Variants in MAPRE3 observed in about 807,000 individuals in gnomAD.
MAPRE3 encodes the protein microtubule associated protein RP/EB family member 3.
In MAPRE3, 2 loss-of-function variants were observed where a neutral mutation model predicts 30.5. The ratio of observed to expected loss-of-function variants is 0.07; its 90% confidence interval spans 0.03 to 0.21. The LOEUF (loss-of-function observed/expected upper bound fraction) is 0.21, where lower values mean the gene tolerates loss of function less well. Ranked by LOEUF, MAPRE3 falls within the 10% of genes least tolerant of loss-of-function variation. The pLI is 1.00. For synonymous variants in MAPRE3, 110 were observed against 127.7 expected, an observed-to-expected ratio of 0.86 and a Z score of 0.93; for missense variants, 204 against 351.8, an observed-to-expected ratio of 0.58 and a Z score of 3.36.
chr2:26,996,238 G>T (rs1490166257), intron 1 of MAPRE3, among the ~76,000 whole-genome samples: 1 of 151,576 alleles, frequency 6.6e-6, no homozygotes, highest in African/African-American at 2.4e-5. Flanking sequence ...CTGCAGCCTG[G>T]ATCTCCCGGG....
intron 1 of MAPRE3, among the ~76,000 whole-genome samples, chr2:26,999,010 C>T (rs930647212): frequency 5.3e-5 from 8 of 152,212 alleles, no homozygotes; most frequent in African/African-American, 1.9e-4. Context: ...TGAGCTTGGC[C>T]TTGAAAGGAG....
intron 1 of MAPRE3, among the ~76,000 whole-genome samples, chr2:26,993,806 C>T (rs1398491451): frequency 6.6e-6 from 1 of 152,180 alleles, no homozygotes; most frequent in Non-Finnish European, 1.5e-5. Context: ...CTTTATCCTA[C>T]TACTGTAGGC....
chr2:26,995,821 GTGTGTGTGTA>G (rs1326359712), intron 1 of MAPRE3, among the ~76,000 whole-genome samples: 5 of 150,112 alleles, frequency 3.3e-5, no homozygotes, highest in East Asian at 2.0e-4. Context: ...GTGTGTGTGT[GTGTGTGTGTA>G]TGTGTGTGTG....
intron 1 of MAPRE3, among the ~76,000 whole-genome samples, chr2:26,991,228 T>G (rs1175852816): frequency 1.3e-5 from 2 of 152,206 alleles, no homozygotes; most frequent in East Asian, 3.9e-4. Context: ...CACTCCAGCC[T>G]GGGCGACAGA....
chr2:26,989,241 A>T (rs1393234579), intron 1 of MAPRE3, among the ~76,000 whole-genome samples: 2 of 152,324 alleles, frequency 1.3e-5, no homozygotes, highest in Non-Finnish European at 1.5e-5. Flanking sequence ...TTTGCAGAAC[A>T]TCCAGAAACA....
rs1233228739 is a variant in MAPRE3, at chr2:26,986,205, TCTGA to T, written c.-8+15409_-8+15412del. On this transcript the variant is annotated intron_variant, in intron 1 of 6. Coordinates refer to ENST00000233121, the MANE Select transcript of MAPRE3 (RefSeq NM_012326.4). This position sits in a 1 kb window ranked among gnomAD's most constrained non-coding sequence, Gnocchi z 4.2. ...CACTCTGCTTCCATCATCACTGTTC[TCTGA>T]CTGACCCTTCTGCTTCCCCTTATAA... 2.0e-5 allele frequency among the ~76,000 whole-genome samples: 3 copies of T among 152,300 alleles called. No homozygotes were observed. The highest frequency in any genetic ancestry group is 7.2e-5 in the African/African-American group (3 of 41,556).
intron 1 of MAPRE3, among the ~76,000 whole-genome samples, chr2:26,972,756 G>A (rs1665939363): frequency 6.6e-6 from 1 of 152,238 alleles, no homozygotes; most frequent in Admixed American, 6.5e-5. Flanking sequence ...TAGATCAGGA[G>A]GGTGTAAGTA....
chr2:27,008,277 G>A (rs2053385), intron 1 of MAPRE3, among the ~76,000 whole-genome samples: 85,393 of 151,954 alleles, frequency 0.56, 24,647 homozygotes, highest in East Asian at 0.76. Flanking sequence ...TAGTGATAGC[G>A]TAAATGCATT....
intron 1 of MAPRE3, among the ~76,000 whole-genome samples, chr2:26,983,978 G>T (rs1415465968): frequency 6.6e-6 from 1 of 152,162 alleles, no homozygotes; most frequent in Admixed American, 6.5e-5. Context: ...GTGAGGTTTG[G>T]AAAGAACTTC....
chr2:26,984,497 A>G (rs1036580132), intron 1 of MAPRE3, among the ~76,000 whole-genome samples: 4 of 152,256 alleles, frequency 2.6e-5, no homozygotes, highest in African/African-American at 9.6e-5. Context: ...AACTACTTTT[A>G]ATTCTACCAC....
intron 1 of MAPRE3, among the ~76,000 whole-genome samples, chr2:27,016,840 T>C (rs1335343049): frequency 6.6e-6 from 1 of 152,056 alleles, no homozygotes; most frequent in Non-Finnish European, 1.5e-5. Flanking sequence ...TGGACCTCTT[T>C]GGTGAGTTCA....
At chr2:26,976,307 C>T (rs548814242) in intron 1 of MAPRE3, among the ~76,000 whole-genome samples, 1 of 152,300 alleles carries the variant, frequency 6.6e-6, no homozygotes, top group African/African-American at 2.4e-5. Context: ...ATTTTCTAGC[C>T]AGATGTCATG....
chr2:26,984,405 A>AT (rs1165954736), intron 1 of MAPRE3, among the ~76,000 whole-genome samples: 2 of 152,134 alleles, frequency 1.3e-5, no homozygotes, highest in African/African-American at 2.4e-5. Context: ...CTAACATATT[A>AT]TTTTTTTTAA....
chr2:26,973,583 T>C (rs1665956249), intron 1 of MAPRE3, among the ~76,000 whole-genome samples: 1 of 150,644 alleles, frequency 6.6e-6, no homozygotes, highest in Non-Finnish European at 1.5e-5. Context: ...AGTCTCGCTC[T>C]GTCGCCCAGG....
chr2:26,977,567 C>T (rs1666038601), intron 1 of MAPRE3, among the ~76,000 whole-genome samples: 1 of 152,194 alleles, frequency 6.6e-6, no homozygotes, highest in South Asian at 2.1e-4. Context: ...CAGTTGCCTT[C>T]CTCCCTTTGC....
chr2:27,022,048 A>G (rs149111961), intron 1 of MAPRE3, among the ~76,000 whole-genome samples, 164 bp from the exon 2 acceptor site: 6 of 152,314 alleles, frequency 3.9e-5, no homozygotes, highest in Non-Finnish European at 7.4e-5. Flanking sequence ...GTAGATGCTC[A>G]TGAAATGTCT....
intron 1 of MAPRE3, among the ~76,000 whole-genome samples, chr2:26,980,534 T>C (rs1666092912): frequency 6.6e-6 from 1 of 152,248 alleles, no homozygotes. Context: ...TTTGGTGGTA[T>C]CCCATCATAT....
At chr2:27,020,251 G>C (rs910155886) in intron 1 of MAPRE3, among the ~76,000 whole-genome samples, 12 of 152,176 alleles carry the variant, frequency 7.9e-5, no homozygotes, top group Non-Finnish European at 1.6e-4. Context: ...TGGTCAGGAG[G>C]AGTCACATGA....
At chr2:27,020,931 A>G (rs1034444373) in intron 1 of MAPRE3, among the ~76,000 whole-genome samples, 2 of 152,204 alleles carry the variant, frequency 1.3e-5, no homozygotes, top group Non-Finnish European at 2.9e-5. Flanking sequence ...AGCCCTTCAC[A>G]TCCGTGGGAT....
Sources: gnomAD v4.1 joint callset for allele counts (sites outside exome capture counted in the v4.1 genomes callset) on GRCh38, gnomAD v4.1.1 for gene constraint, Gnocchi (gnomAD v3.1) non-coding constraint, MANE v1.5 for transcripts, NCBI Gene and HGNC (gene_info 2026-07-23, HGNC 2026-07-21) for gene names.